WWOX: variants seen among roughly 807,000 people sequenced by gnomAD.
WWOX encodes the protein WW domain containing oxidoreductase.
In WWOX, 69 loss-of-function variants were observed where a neutral mutation model predicts 46.2. The observed-to-expected ratio is 1.49, with a 90% CI of 1.23 to 1.82. The LOEUF (loss-of-function observed/expected upper bound fraction) is 1.82. Among genes scored for constraint, WWOX ranks in the 40% most tolerant of loss-of-function variants. The pLI is 0.00. For synonymous variants in WWOX, 359 were observed against 202.6 expected (o/e 1.77, Z -6.56); for missense variants, 919 against 542.6 (o/e 1.69, Z -6.89).
At position 79,177,349 on chromosome 16, in the gene WWOX, C is replaced by G. The variant is rs570699829; in HGVS notation, c.1057-34259C>G. The stretch of plus-strand genomic sequence containing the variant: ...AAATTTTCCCTGTTAAAGTACTGTA[C>G]TTGTCATTTATTTCCCTTTTTTCCA... On this transcript the variant is annotated intron_variant, in intron 8 of 8. Transcript: ENST00000566780. Among the ~76,000 whole-genome samples the G allele has an allele frequency of 4.7e-5, 7 of 149,184 alleles. No individual in the cohort carries two copies. The South Asian group carries it at 1.3e-3, about 28-fold the overall frequency.
chr16:78,761,806 T>A (rs757870116), intron 8 of WWOX, among the ~76,000 whole-genome samples: 11 of 152,174 alleles, frequency 7.2e-5, no homozygotes, highest in Non-Finnish European at 1.2e-4. Context: ...GTCAACACAC[T>A]TAGGAGAGAA....
At chr16:78,645,386 A>G (rs957592843) in intron 8 of WWOX, among the ~76,000 whole-genome samples, 2 of 152,182 alleles carry the variant, frequency 1.3e-5, no homozygotes, top group African/African-American at 4.8e-5. Context: ...CTGGAGGTCA[A>G]AAGTCCAAAA....
At chr16:78,560,164 C>T (rs973620061) in intron 8 of WWOX, among the ~76,000 whole-genome samples, 2 of 152,112 alleles carry the variant, frequency 1.3e-5, no homozygotes, top group African/African-American at 2.4e-5. Flanking sequence ...GGGCTTTTCT[C>T]CAGCTAGTAG....
At chr16:78,281,657 C>A (rs2079680559) in intron 5 of WWOX, among the ~76,000 whole-genome samples, 1 of 152,138 alleles carries the variant, frequency 6.6e-6, no homozygotes, top group African/African-American at 2.4e-5. Context: ...CTGCGAGAAA[C>A]TTTATTTATG....
At chr16:79,044,592 C>T (rs2048032255) in intron 8 of WWOX, among the ~76,000 whole-genome samples, 1 of 152,226 alleles carries the variant, frequency 6.6e-6, no homozygotes, top group African/African-American at 2.4e-5. Context: ...AGCCAGGCAG[C>T]TGCCAGTATC....
intron 8 of WWOX, among the ~76,000 whole-genome samples, chr16:78,742,250 C>G (rs146382505): frequency 6.6e-6 from 1 of 152,086 alleles, no homozygotes; most frequent in African/African-American, 2.4e-5. Flanking sequence ...GATAATAGTC[C>G]ATGATCAAGG....
chr16:78,227,583 G>C (rs2037106699), intron 5 of WWOX, among the ~76,000 whole-genome samples: 1 of 152,136 alleles, frequency 6.6e-6, no homozygotes, highest in South Asian at 2.1e-4. Flanking sequence ...TGTTCAGGTA[G>C]AAACATACAA....
chr16:78,579,918 G>A (rs1027557900), intron 8 of WWOX, among the ~76,000 whole-genome samples: 2 of 152,142 alleles, frequency 1.3e-5, no homozygotes, highest in East Asian at 1.9e-4. Flanking sequence ...CCGAGCCATC[G>A]ACTTCTGTTC....
At chr16:79,039,101 A>T (rs1278727084) in intron 8 of WWOX, among the ~76,000 whole-genome samples, 1 of 151,958 alleles carries the variant, frequency 6.6e-6, no homozygotes, top group Admixed American at 6.6e-5. Context: ...TTCCTGCATT[A>T]AAAAAAATTA....
intron 8 of WWOX, among the ~76,000 whole-genome samples, chr16:78,835,584 A>AT (rs2151162871): frequency 6.6e-6 from 1 of 152,332 alleles, no homozygotes; most frequent in South Asian, 2.1e-4. Context: ...ATCAGACCTT[A>AT]TAGCAGTCCT....
At position 78,099,844 on chromosome 16, in the gene WWOX, G is replaced by T. The variant is rs1231403909; in HGVS notation, c.66G>T (p.Trp22Cys). The part of the protein sequence containing the change: ...TDSEDELPPG[W>C]EERTTKDGWV... ...GTGAGGACGAGCTGCCTCCGGGCTGGGAGGAGAGAACCACCAAGGACGGCT... is the reference window on the plus strand; with the variant it reads ...GTGAGGACGAGCTGCCTCCGGGCTGTGAGGAGAGAACCACCAAGGACGGCT... The change falls in exon 1 of 9, where the codon TGG (tryptophan) becomes TGT (cysteine). Residue 22 changes from tryptophan (W) to cysteine (C), a missense_variant. Transcript: ENST00000566780. The T allele has an allele frequency of 1.6e-5, 25 of 1,582,042 alleles. No individual in the cohort carries two copies. The highest frequency in any genetic ancestry group is 2.1e-5 in the Non-Finnish European group (24 of 1,165,016).
chr16:78,245,402 C>T (rs2037785974), intron 5 of WWOX, among the ~76,000 whole-genome samples: 3 of 152,234 alleles, frequency 2.0e-5, no homozygotes, highest in African/African-American at 4.8e-5. Flanking sequence ...ATTGATTTGC[C>T]AGAAGTAGAA....
At chr16:78,560,326 A>C (rs896908480) in intron 8 of WWOX, among the ~76,000 whole-genome samples, 1 of 152,200 alleles carries the variant, frequency 6.6e-6, no homozygotes, top group South Asian at 2.1e-4. Context: ...TACTGGTTAG[A>C]ATAGAATATT....
At chr16:79,195,481 A>C (rs966793351) in intron 8 of WWOX, among the ~76,000 whole-genome samples, 1 of 152,136 alleles carries the variant, frequency 6.6e-6, no homozygotes, top group African/African-American at 2.4e-5. Context: ...AGGGACTCAT[A>C]GGACAGCCTA....
chr16:78,723,319 G>A (rs989288241), intron 8 of WWOX, among the ~76,000 whole-genome samples: 2 of 152,232 alleles, frequency 1.3e-5, no homozygotes, highest in Non-Finnish European at 2.9e-5. Context: ...CTCTTGCCTT[G>A]GGGTCAGTGT....
chr16:78,959,844 C>G (rs532137996), intron 8 of WWOX, among the ~76,000 whole-genome samples: 1 of 152,136 alleles, frequency 6.6e-6, no homozygotes, highest in South Asian at 2.1e-4. Context: ...ATAAAAGATC[C>G]TGATGCCTGG....
intron 5 of WWOX, among the ~76,000 whole-genome samples, chr16:78,284,244 C>T (rs1409700393): frequency 1.3e-5 from 2 of 152,146 alleles, no homozygotes; most frequent in African/African-American, 4.8e-5. Flanking sequence ...CTTCCGTCTA[C>T]TTTTTGCAGG....
chr16:79,033,128 C>A lies in WWOX; in HGVS notation c.1057-178480C>A, dbSNP rs562869686. The stretch of plus-strand genomic sequence containing the variant: ...TTATTTTTTAAGGCTGCATAGTATT[C>A]CACGGTGTAGATGTAATATATATAT... On this transcript the variant is annotated intron_variant, in intron 8 of 8. Coordinates refer to ENST00000566780, the MANE Select transcript of WWOX (RefSeq NM_016373.4). 2.7e-5 allele frequency among the ~76,000 whole-genome samples: 4 copies of A among 147,848 alleles called. No homozygotes were observed. In the East Asian group the frequency reaches 7.8e-4, roughly 29 times the overall value.
At chr16:78,490,980 C>T (rs956568439) in intron 8 of WWOX, among the ~76,000 whole-genome samples, 4 of 152,170 alleles carry the variant, frequency 2.6e-5, no homozygotes, top group Non-Finnish European at 1.5e-5. Context: ...TGAGCTGCCC[C>T]CGAGTGACCG....
Sources: allele counts gnomAD v4.1 joint callset (sites outside exome capture counted in the v4.1 genomes callset), GRCh38; gene constraint gnomAD v4.1.1; transcripts MANE v1.5; gene names NCBI Gene and HGNC (gene_info 2026-07-23, HGNC 2026-07-21).